Variants in LMBR1 observed in about 807,000 individuals in gnomAD.
LMBR1 encodes limb region 1 protein homolog.
In LMBR1, 52 loss-of-function variants were observed where a neutral mutation model predicts 73.9. The ratio of observed to expected loss-of-function variants is 0.70; its 90% confidence interval spans 0.56 to 0.89. LMBR1 has a LOEUF of 0.89. LMBR1 is among the 40% of genes least tolerant of loss of function. The pLI is 0.00. For synonymous variants in LMBR1, 215 were observed against 209.4 expected, an observed-to-expected ratio of 1.03 and a Z score of -0.23; for missense variants, 539 against 579.8, an observed-to-expected ratio of 0.93 and a Z score of 0.72.
In LMBR1 at chr7:156,887,193, C is replaced by G. The variant is rs768386351; in HGVS notation, c.66+5735G>C. Among the ~76,000 whole-genome samples, 7 of 152,238 alleles carry G rather than the reference C, an allele frequency of 4.6e-5. 1 individual carries two copies. The South Asian group carries it at 1.2e-3, about 27-fold the overall frequency. On this transcript the variant is annotated intron_variant, in intron 1 of 16. Coordinates refer to ENST00000353442, the MANE Select transcript of LMBR1 (RefSeq NM_022458.4). The stretch of plus-strand genomic sequence containing the variant: ...TAAAAGTTAAACACTAGGCTGGGCG[C>G]GGTGGCTCACGCCTGTAATCCCAGC...
intron 8 of LMBR1, among the ~76,000 whole-genome samples, chr7:156,759,544 G>A (rs1365781610): frequency 6.6e-6 from 1 of 152,146 alleles, no homozygotes; most frequent in African/African-American, 2.4e-5. Context: ...ATGAAATTAT[G>A]TGTGTAAAAT....
chr7:156,817,248 G>A (rs1834054938), intron 4 of LMBR1, among the ~76,000 whole-genome samples: 1 of 151,912 alleles, frequency 6.6e-6, no homozygotes, highest in African/African-American at 2.4e-5. Flanking sequence ...ATAGACAAAA[G>A]CCTTCATGAA....
intron 1 of LMBR1, among the ~76,000 whole-genome samples, chr7:156,871,397 T>A (rs1381529143): frequency 6.6e-6 from 1 of 152,140 alleles, no homozygotes; most frequent in East Asian, 1.9e-4. Flanking sequence ...TGTCTCAAAC[T>A]CCTTCAAAAA....
At chr7:156,862,188 G>A (rs952431334) in intron 1 of LMBR1, among the ~76,000 whole-genome samples, 4 of 152,210 alleles carry the variant, frequency 2.6e-5, no homozygotes, top group African/African-American at 9.7e-5. Context: ...CAATCATGGT[G>A]GACAGCAAGA....
chr7:156,803,811 C>T (rs946165203), intron 4 of LMBR1, among the ~76,000 whole-genome samples: 2 of 151,628 alleles, frequency 1.3e-5, no homozygotes, highest in Non-Finnish European at 2.9e-5. Flanking sequence ...TACTATGCAG[C>T]CATAAAAAAG....
At chr7:156,770,202 T>A (rs1025717515) in intron 5 of LMBR1, among the ~76,000 whole-genome samples, 2 of 152,170 alleles carry the variant, frequency 1.3e-5, no homozygotes, top group Non-Finnish European at 2.9e-5. Flanking sequence ...TCTTTTTTTT[T>A]AAGATGAGAT....
chr7:156,744,980 C>A (rs2132643081), intron 9 of LMBR1, among the ~76,000 whole-genome samples: 1 of 152,272 alleles, frequency 6.6e-6, no homozygotes, highest in Middle Eastern at 3.4e-3. Context: ...TTCACTTATA[C>A]CAACTCTTGT....
chr7:156,821,246 G>A (rs1334256637), intron 4 of LMBR1, among the ~76,000 whole-genome samples: 2 of 152,220 alleles, frequency 1.3e-5, no homozygotes, highest in African/African-American at 2.4e-5. Flanking sequence ...AATGCCGACG[G>A]TCCCCACTCC....
intron 5 of LMBR1, among the ~76,000 whole-genome samples, chr7:156,765,364 C>T (rs760254769): frequency 1.4e-4 from 22 of 152,108 alleles, no homozygotes; most frequent in Non-Finnish European, 2.2e-4. Context: ...GCATGTCCCC[C>T]GCTGGCACTC....
rs1404954910 is a variant in LMBR1 at position 156,679,886 on chromosome 7, C to A, written c.*4192G>T. 3 of 152,098 alleles carry A rather than the reference C, an allele frequency of 2.0e-5. No homozygotes were observed. Among genetic ancestry groups the A allele is most frequent in the African/African-American group, 4.8e-5 (2 of 41,414 alleles). 9.4% of individuals were successfully genotyped at this position (152,098 alleles called of 1,614,324 possible). ...GAAGTTCCTATTTGATTATAGTTAA[C>A]CTTGAAAAAATTTTTTCCTAATTAA... On this transcript the variant is annotated 3_prime_UTR_variant, in exon 17 of 17. Coordinates refer to ENST00000353442, the MANE Select transcript of LMBR1 (RefSeq NM_022458.4).
At chr7:156,806,383 C>T (rs1203696851) in intron 4 of LMBR1, among the ~76,000 whole-genome samples, 1 of 151,930 alleles carries the variant, frequency 6.6e-6, no homozygotes, top group Non-Finnish European at 1.5e-5. Context: ...ATAACAGATC[C>T]CATCAGAATT....
At chr7:156,698,581 A>G (rs190050769) in intron 15 of LMBR1, among the ~76,000 whole-genome samples, 50 of 152,288 alleles carry the variant, frequency 3.3e-4, no homozygotes, top group African/African-American at 1.2e-3. Flanking sequence ...AAGCTGCCAA[A>G]GCTTGGGGCT....
intron 1 of LMBR1, among the ~76,000 whole-genome samples, chr7:156,868,934 C>T (rs1798871398): frequency 6.6e-6 from 1 of 152,180 alleles, no homozygotes. Context: ...CACTGCACTC[C>T]AGCCTGGGTA....
chr7:156,730,806 A>G (rs2132454872), intron 10 of LMBR1, among the ~76,000 whole-genome samples: 1 of 152,170 alleles, frequency 6.6e-6, no homozygotes, highest in South Asian at 2.1e-4. Flanking sequence ...GCATGGTGGC[A>G]TGCACCTGTA....
chr7:156,872,740 A>C (rs957132193), intron 1 of LMBR1, among the ~76,000 whole-genome samples: 1 of 152,172 alleles, frequency 6.6e-6, no homozygotes. Flanking sequence ...GAAATTAAAG[A>C]AAGCTACATT....
At chr7:156,852,710 G>A (rs79162452) in intron 1 of LMBR1, among the ~76,000 whole-genome samples, 2,371 of 152,272 alleles carry the variant, frequency 0.016, 55 homozygotes, top group African/African-American at 0.053. Flanking sequence ...CAGTTTAGTT[G>A]TCACAACCAG....
At chr7:156,840,730 C>T (rs1234006169) in intron 1 of LMBR1, among the ~76,000 whole-genome samples, 1 of 151,204 alleles carries the variant, frequency 6.6e-6, no homozygotes, top group African/African-American at 2.4e-5. Flanking sequence ...GAGGCCGAGG[C>T]GGGTGGATCA....
At chr7:156,707,007 A>G (rs1811087218) in intron 15 of LMBR1, among the ~76,000 whole-genome samples, 1 of 152,002 alleles carries the variant, frequency 6.6e-6, no homozygotes, top group Non-Finnish European at 1.5e-5. Flanking sequence ...AACAAGGGAA[A>G]AAAAAGAGAC....
intron 10 of LMBR1, among the ~76,000 whole-genome samples, chr7:156,732,089 T>C (rs1816942505): frequency 6.6e-6 from 1 of 152,012 alleles, no homozygotes; most frequent in Non-Finnish European, 1.5e-5. Context: ...ATGAACATCG[T>C]ATTTGATTTT....
Sources: gnomAD v4.1 joint callset for allele counts (sites outside exome capture counted in the v4.1 genomes callset) on GRCh38, gnomAD v4.1.1 for gene constraint, MANE v1.5 for transcripts, NCBI Gene and HGNC (gene_info 2026-07-23, HGNC 2026-07-21) for gene names.